Variants in PPFIA2 observed in about 807,000 individuals in gnomAD.
The protein encoded by PPFIA2 is PPFI scaffold protein A2, also known as liprin-alpha-2.
PPFIA2 carries 46 observed loss-of-function variants against 175.5 expected under a neutral mutation model. That is an observed-to-expected ratio of 0.26 (90% CI 0.21 to 0.34). PPFIA2 has a LOEUF of 0.34. Among genes scored for constraint, PPFIA2 ranks in the 10% least tolerant of loss-of-function variants. The pLI, the probability that PPFIA2 is intolerant of heterozygous loss-of-function variation, is 1.00. For missense variants in PPFIA2, 1,179 were observed against 1,506.1 expected (o/e 0.78, Z 3.60); for synonymous variants, 568 against 511.4 (o/e 1.11, Z -1.49).
At chr12:81,377,714 A>T (rs1203823958) in intron 9 of PPFIA2, among the ~76,000 whole-genome samples, 1 of 152,060 alleles carries the variant, frequency 6.6e-6, no homozygotes, top group Non-Finnish European at 1.5e-5. Flanking sequence ...TTTCTAAATG[A>T]TCATATTGCT....
At chr12:81,638,933 C>T (rs567548250) in intron 4 of PPFIA2, among the ~76,000 whole-genome samples, 99 of 151,730 alleles carry the variant, frequency 6.5e-4, no homozygotes, top group African/African-American at 2.2e-3. Context: ...GTGATCCGCC[C>T]GCCTCGGCCT....
chr12:81,635,945 C>A (rs906623191), intron 4 of PPFIA2, among the ~76,000 whole-genome samples: 1 of 151,946 alleles, frequency 6.6e-6, no homozygotes, highest in Non-Finnish European at 1.5e-5. Context: ...CACACACACA[C>A]GTGAAATGTT....
intron 4 of PPFIA2, among the ~76,000 whole-genome samples, chr12:81,574,150 T>C (rs1387041924): frequency 1.3e-5 from 2 of 151,814 alleles, no homozygotes; most frequent in Non-Finnish European, 2.9e-5. Context: ...CCAGGAGAAA[T>C]AACTTTCACA....
intron 22 of PPFIA2, among the ~76,000 whole-genome samples, chr12:81,317,412 C>T (rs768718999): frequency 4.0e-5 from 6 of 151,500 alleles, no homozygotes; most frequent in Admixed American, 6.6e-5. Flanking sequence ...TTAGCTTAAG[C>T]GTGACTAACG....
At chr12:81,664,490 C>A (rs1300126536) in intron 4 of PPFIA2, among the ~76,000 whole-genome samples, 3 of 152,038 alleles carry the variant, frequency 2.0e-5, no homozygotes, top group Admixed American at 6.6e-5. Flanking sequence ...CAATAAGATA[C>A]CATCTCACAC....
chr12:81,472,956 C>T (rs1480748713), intron 4 of PPFIA2: 1 of 152,312 alleles, frequency 6.6e-6, no homozygotes, highest in South Asian at 2.1e-4. Flanking sequence ...TATAAAATTA[C>T]TCACATATTA....
At chr12:81,640,327 C>T (rs1243923898) in intron 4 of PPFIA2, among the ~76,000 whole-genome samples, 1 of 152,092 alleles carries the variant, frequency 6.6e-6, no homozygotes, top group Non-Finnish European at 1.5e-5. Context: ...AAGATTCTAA[C>T]AGTTGGTGAT....
At chr12:81,467,687 T>C (rs2055942766) in intron 4 of PPFIA2, among the ~76,000 whole-genome samples, 2 of 152,188 alleles carry the variant, frequency 1.3e-5, no homozygotes, top group South Asian at 4.1e-4. Context: ...AACCCAGGGC[T>C]CACACACCTC....
At chr12:81,752,931 T>C (rs2084045816) in intron 3 of PPFIA2, among the ~76,000 whole-genome samples, 1 of 125,170 alleles carries the variant, frequency 8.0e-6, no homozygotes, top group African/African-American at 2.6e-5. Context: ...GGCACAATTA[T>C]GCTTTTCATT....
intron 3 of PPFIA2, among the ~76,000 whole-genome samples, chr12:81,714,385 T>C (rs1445318471): frequency 6.6e-6 from 1 of 151,006 alleles, no homozygotes; most frequent in East Asian, 2.0e-4. Context: ...GAAAGGCAGC[T>C]GAGTGAGCAA....
intron 8 of PPFIA2, among the ~76,000 whole-genome samples, chr12:81,404,015 C>T (rs923482944): frequency 2.0e-5 from 3 of 152,130 alleles, no homozygotes; most frequent in Non-Finnish European, 4.4e-5. Context: ...CTCCCTTTGC[C>T]TCATGCCCCA....
chr12:81,372,359 G>T (rs571096810), intron 11 of PPFIA2, among the ~76,000 whole-genome samples: 71 of 151,204 alleles, frequency 4.7e-4, no homozygotes, highest in African/African-American at 1.5e-3. Context: ...AATGTCTGAG[G>T]GGTTATTAAG....
chr12:81,504,702 T>C (rs775392548), intron 4 of PPFIA2, among the ~76,000 whole-genome samples: 1 of 152,214 alleles, frequency 6.6e-6, no homozygotes, highest in Non-Finnish European at 1.5e-5. Flanking sequence ...CAGCTATGTT[T>C]ATTGCAACAC....
At chr12:81,561,284 C>T (rs1464282536) in intron 4 of PPFIA2, among the ~76,000 whole-genome samples, 1 of 152,124 alleles carries the variant, frequency 6.6e-6, no homozygotes, top group Non-Finnish European at 1.5e-5. Context: ...AATTTAATCT[C>T]ACTAGTTTCA....
At chr12:81,461,930 C>T (rs1000608148) in intron 4 of PPFIA2, among the ~76,000 whole-genome samples, 1 of 151,896 alleles carries the variant, frequency 6.6e-6, no homozygotes, top group Non-Finnish European at 1.5e-5. Flanking sequence ...CTAAACAGTA[C>T]AATCCTTTAA....
chr12:81,736,314 T>C (rs2081569264), intron 3 of PPFIA2, among the ~76,000 whole-genome samples: 1 of 152,066 alleles, frequency 6.6e-6, no homozygotes, highest in African/African-American at 2.4e-5. Flanking sequence ...GATGCTATTA[T>C]AGATGGAGTT....
At chr12:81,329,811 C>T (rs577495077) in intron 21 of PPFIA2, among the ~76,000 whole-genome samples, 1 of 152,184 alleles carries the variant, frequency 6.6e-6, no homozygotes, top group African/African-American at 2.4e-5. Flanking sequence ...CCCTTCTGGT[C>T]CCAGTGTCTG....
At chr12:81,554,099 G>C (rs1308279487) in intron 4 of PPFIA2, among the ~76,000 whole-genome samples, 7 of 151,998 alleles carry the variant, frequency 4.6e-5, no homozygotes, top group Non-Finnish European at 8.8e-5. Context: ...GTGAGCACTA[G>C]AATGAGGAGA....
In PPFIA2 at chr12:81,746,454, A is replaced by C. The variant is rs2083078251; in HGVS notation, c.249+7519T>G. Among the ~76,000 whole-genome samples the C allele has an allele frequency of 2.1e-5, 3 of 143,818 alleles. 1 individual carries two copies. The Admixed American group carries it at 2.2e-4, about 11-fold the overall frequency. The allele number at this position is 143,818 out of a possible 152,430, so 94.4% of individuals were successfully genotyped here. A position where few individuals can be genotyped will look rare whatever the true frequency, so the allele number is the denominator to read the frequency against. On this transcript the variant is annotated intron_variant, in intron 3 of 32. Coordinates refer to ENST00000549396, the MANE Select transcript of PPFIA2 (RefSeq NM_003625.5). ...CATTCTGAACAGGGAGTTAGAGGAA[A>C]AATCAGACTGCAGTATAGAAGTCGA...
Sources: allele counts gnomAD v4.1 joint callset (sites outside exome capture counted in the v4.1 genomes callset), GRCh38; gene constraint gnomAD v4.1.1; transcripts MANE v1.5; gene names NCBI Gene and HGNC (gene_info 2026-07-23, HGNC 2026-07-21).